WWOX: variants seen among roughly 807,000 people sequenced by gnomAD.
WWOX encodes the protein WW domain-containing oxidoreductase.
WWOX carries 69 observed loss-of-function variants against 46.2 expected under a neutral mutation model. The observed-to-expected ratio is 1.49, with a 90% CI of 1.23 to 1.82. The LOEUF (loss-of-function observed/expected upper bound fraction) is 1.82, where lower values mean the gene tolerates loss of function less well. Ranked by LOEUF, WWOX falls within the 40% of genes most tolerant of loss-of-function variation. The pLI, the probability that WWOX is intolerant of heterozygous loss-of-function variation, is 0.00. For missense variants in WWOX, 919 were observed against 542.6 expected (o/e 1.69, Z -6.89); for synonymous variants, 359 against 202.6 (o/e 1.77, Z -6.56).
Position 79,212,536 on chromosome 16 carries a change from G to A in WWOX, c.*740G>A, listed in dbSNP as rs1208070757. ...AAGAATACACAGGATATTTTGGGGG[G>A]CAGAGAATAAAACGTTAGTTAATCC... On this transcript the variant is annotated 3_prime_UTR_variant, in exon 9 of 9. Coordinates refer to ENST00000566780, the MANE Select transcript of WWOX (RefSeq NM_016373.4). The A allele has an allele frequency of 5.2e-5, 9 of 171,480 alleles. 1 individual carries two copies. In the South Asian group the frequency reaches 1.0e-3, roughly 19 times the overall value. The allele number at this position is 171,480 out of a possible 1,614,324, so 10.6% of individuals were successfully genotyped here.
At chr16:78,205,861 C>T (rs1206903781) in intron 5 of WWOX, among the ~76,000 whole-genome samples, 5 of 151,652 alleles carry the variant, frequency 3.3e-5, no homozygotes, top group Non-Finnish European at 7.4e-5. Context: ...TCCTTCCTTC[C>T]TTCCTTCCGT....
intron 5 of WWOX, among the ~76,000 whole-genome samples, chr16:78,367,944 A>G (rs906584542): frequency 1.3e-5 from 2 of 151,926 alleles, no homozygotes; most frequent in Non-Finnish European, 2.9e-5. Context: ...TTTAGTGGAG[A>G]CGGGATTTCA....
chr16:78,913,806 G>A (rs149264155), intron 8 of WWOX, among the ~76,000 whole-genome samples: 1 of 151,934 alleles, frequency 6.6e-6, no homozygotes, highest in East Asian at 1.9e-4. Context: ...GGACTAAAGT[G>A]TGCACCACAA....
chr16:78,597,560 C>T (rs1444225797), intron 8 of WWOX, among the ~76,000 whole-genome samples: 1 of 152,152 alleles, frequency 6.6e-6, no homozygotes, highest in South Asian at 2.1e-4. Context: ...TTAAGAAAAG[C>T]TGAAAAGCCA....
chr16:79,026,149 C>A (rs1357302928), intron 8 of WWOX, among the ~76,000 whole-genome samples: 1 of 151,580 alleles, frequency 6.6e-6, no homozygotes. Flanking sequence ...ACCTTCCACT[C>A]GCTTCTTTAA....
At chr16:78,970,582 A>G (rs1179292079) in intron 8 of WWOX, among the ~76,000 whole-genome samples, 1 of 152,230 alleles carries the variant, frequency 6.6e-6, no homozygotes, top group African/African-American at 2.4e-5. Flanking sequence ...AGAGTAAGAC[A>G]TTCAAGGTAG....
chr16:78,673,845 G>T (rs2047524396), intron 8 of WWOX, among the ~76,000 whole-genome samples: 1 of 152,094 alleles, frequency 6.6e-6, no homozygotes, highest in Non-Finnish European at 1.5e-5. Flanking sequence ...TCCCGCAGAG[G>T]TTTGTGCCAT....
chr16:78,757,234 A>C (rs1226167977), intron 8 of WWOX, among the ~76,000 whole-genome samples: 1 of 152,218 alleles, frequency 6.6e-6, no homozygotes, highest in African/African-American at 2.4e-5. Flanking sequence ...TTTGTTATAC[A>C]ACAGTGGATA....
At chr16:78,207,580 G>A (rs1238094549) in intron 5 of WWOX, among the ~76,000 whole-genome samples, 1 of 150,948 alleles carries the variant, frequency 6.6e-6, no homozygotes, top group African/African-American at 2.4e-5. Flanking sequence ...TAATTGAGAA[G>A]CAGAACGTAT....
rs528293412 is a variant in WWOX at position 78,587,193 on chromosome 16, C to CTTT, written c.1056+154462_1056+154464dup. On this transcript the variant is annotated intron_variant, in intron 8 of 8. Coordinates refer to ENST00000566780, the MANE Select transcript of WWOX (RefSeq NM_016373.4). The stretch of plus-strand genomic sequence containing the variant: ...AGCAGATGCCACCATGCCTGGCTAA[C>CTTT]TTTTTTTTTTTTTTTTTTTTTTTGT... 5.0e-3 allele frequency among the ~76,000 whole-genome samples: 567 copies of CTTT among 112,764 alleles called. 5 individuals are homozygous for CTTT. The highest frequency in any genetic ancestry group is 0.015 in the Middle Eastern group (3 of 202). The allele number at this position is 112,764 out of a possible 152,430, so 74.0% of individuals were successfully genotyped here.
chr16:78,200,370 G>A (rs944795930), intron 5 of WWOX, among the ~76,000 whole-genome samples: 1 of 151,018 alleles, frequency 6.6e-6, no homozygotes, highest in Non-Finnish European at 1.5e-5. Flanking sequence ...TACAACAATA[G>A]GAAAAGAAAG....
chr16:78,238,649 C>T (rs150999989), intron 5 of WWOX, among the ~76,000 whole-genome samples: 6,103 of 150,130 alleles, frequency 0.041, 144 homozygotes, highest in Middle Eastern at 0.14. Flanking sequence ...GATGGAGTTT[C>T]GCTCTTGTTG....
chr16:78,250,615 C>T (rs2037958916), intron 5 of WWOX, among the ~76,000 whole-genome samples: 1 of 152,126 alleles, frequency 6.6e-6, no homozygotes, highest in Non-Finnish European at 1.5e-5. Flanking sequence ...CTGAAGAAGA[C>T]ACTCAGAGCC....
intron 8 of WWOX, among the ~76,000 whole-genome samples, chr16:78,596,223 T>C (rs967894880): frequency 6.6e-6 from 1 of 152,202 alleles, no homozygotes; most frequent in Non-Finnish European, 1.5e-5. Flanking sequence ...CCCTGTATGG[T>C]TGGATACTTT....
At position 79,004,364 on chromosome 16, in the gene WWOX, C is replaced by T. The variant is rs1476364014; in HGVS notation, c.1057-207244C>T. On this transcript the variant is annotated intron_variant, in intron 8 of 8. Transcript: ENST00000566780. ...ATAACAGAGAATCCATTCATGGCTGCCAGGAGGACTTGGATATTTCTCATT... is the reference window on the plus strand; with the variant it reads ...ATAACAGAGAATCCATTCATGGCTGTCAGGAGGACTTGGATATTTCTCATT... 3 of 152,208 alleles carry T rather than the reference C, an allele frequency of 2.0e-5. No individual in the cohort carries two copies. In the East Asian group the frequency reaches 5.8e-4, roughly 29 times the overall value. 9.4% of individuals were successfully genotyped at this position (152,208 alleles called of 1,614,324 possible).
intron 5 of WWOX, among the ~76,000 whole-genome samples, chr16:78,204,375 C>T (rs1425766646): frequency 6.6e-6 from 1 of 152,056 alleles, no homozygotes; most frequent in Non-Finnish European, 1.5e-5. Context: ...AATGGGGTAT[C>T]CAACCCCTCA....
chr16:78,402,062 C>G (rs547655659), intron 6 of WWOX, among the ~76,000 whole-genome samples: 32 of 152,140 alleles, frequency 2.1e-4, no homozygotes, highest in Non-Finnish European at 4.3e-4. Flanking sequence ...GTTACGTTAC[C>G]ATTACCACTT....
chr16:78,820,686 C>G (rs904942551), intron 8 of WWOX, among the ~76,000 whole-genome samples: 1 of 152,120 alleles, frequency 6.6e-6, no homozygotes, highest in Non-Finnish European at 1.5e-5. Context: ...GTATGTGTTT[C>G]CTGGGCCTGC....
chr16:78,661,655 G>T (rs2047216210), intron 8 of WWOX, among the ~76,000 whole-genome samples: 2 of 152,000 alleles, frequency 1.3e-5, no homozygotes, highest in Admixed American at 6.5e-5. Flanking sequence ...GGTGGGGAGG[G>T]GGTGGGGGCT....
Sources: allele counts gnomAD v4.1 joint callset (sites outside exome capture counted in the v4.1 genomes callset), GRCh38; gene constraint gnomAD v4.1.1; transcripts MANE v1.5; gene names NCBI Gene and HGNC (gene_info 2026-07-23, HGNC 2026-07-21).